The following PPP4R3B variants were observed in gnomAD, a reference collection of about 807,000 sequenced individuals.
PPP4R3B encodes protein phosphatase 4 regulatory subunit 3B.
A neutral mutation model predicts 95.4 loss-of-function variants in PPP4R3B; 52 were observed. That is an observed-to-expected ratio of 0.54 (90% confidence interval 0.44 to 0.69). The LOEUF is 0.69. Among genes scored for constraint, PPP4R3B ranks in the 30% least tolerant of loss-of-function variants. The probability of loss-of-function intolerance (pLI) is 0.00; values close to 1 mark genes in which losing one functional copy is unlikely to be tolerated. For missense variants in PPP4R3B, 1,003 were observed against 1,005.9 expected (o/e 1.00, Z 0.04); for synonymous variants, 407 against 343.9 (o/e 1.18, Z -2.03).
At chr2:55,600,153 G>A (rs1018662572) in intron 3 of PPP4R3B, among the ~76,000 whole-genome samples, 1 of 152,110 alleles carries the variant, frequency 6.6e-6, no homozygotes, top group African/African-American at 2.4e-5. Flanking sequence ...ATTATAAGGG[G>A]TGGCGGCTCA....
At chr2:55,559,958 T>C (rs529724906) in intron 15 of PPP4R3B, among the ~76,000 whole-genome samples, 2 of 151,988 alleles carry the variant, frequency 1.3e-5, no homozygotes, top group Non-Finnish European at 2.9e-5. Flanking sequence ...CTATTCTCTA[T>C]TAAAAATACA....
rs1695109048 is a variant in PPP4R3B at position 55,617,351 on chromosome 2, T to G, written c.-66A>C. The G allele has an allele frequency of 3.4e-6, 5 of 1,463,562 alleles. No homozygotes were observed. The African/African-American group carries it at 7.1e-5, about 21-fold the overall frequency. 90.7% of individuals were successfully genotyped at this position (1,463,562 alleles called of 1,614,324 possible). On this transcript the variant is annotated 5_prime_UTR_variant, in exon 1 of 17. It removes the in-frame stop codon of an upstream open reading frame in the 5' UTR. Coordinates refer to ENST00000616407, the MANE Select transcript of PPP4R3B (RefSeq NM_001122964.3). ...CTTACCTCGTCCGCGCTCCTCACTC[T>G]TAGGAGACGGTAAAGGCAGTAGTGG... is the stretch of plus-strand genomic sequence containing the variant.
intron 4 of PPP4R3B, among the ~76,000 whole-genome samples, chr2:55,591,020 A>T (rs1048058711): frequency 6.6e-6 from 1 of 152,196 alleles, no homozygotes; most frequent in Non-Finnish European, 1.5e-5. Context: ...AGTCTGACTC[A>T]GGTGTTTCTT....
intron 10 of PPP4R3B, 135 bp downstream of exon 10, chr2:55,578,111 TA>T (rs1688936698): frequency 3.3e-6 from 3 of 902,568 alleles, no homozygotes; most frequent in Non-Finnish European, 4.4e-6. Flanking sequence ...TAACACTGGA[TA>T]AAAAATATGC....
At chr2:55,577,006 T>C (rs929214813) in intron 11 of PPP4R3B, among the ~76,000 whole-genome samples, 1 of 152,200 alleles carries the variant, frequency 6.6e-6, no homozygotes, top group Non-Finnish European at 1.5e-5. Flanking sequence ...TCATGAAAAT[T>C]AGTTGCAAAG....
intron 15 of PPP4R3B, among the ~76,000 whole-genome samples, chr2:55,559,428 T>C (rs535216018): frequency 1.3e-5 from 2 of 152,114 alleles, no homozygotes; most frequent in Non-Finnish European, 2.9e-5. Context: ...AAGAACATGA[T>C]GTGTACAGTG....
chr2:55,550,549 A>G (rs1685135805), intron 16 of PPP4R3B, among the ~76,000 whole-genome samples: 1 of 152,230 alleles, frequency 6.6e-6, no homozygotes, highest in Non-Finnish European at 1.5e-5. Flanking sequence ...CAAAAGAACA[A>G]TAAGGATGAG....
At chr2:55,570,500 AC>A (rs1440362751) in intron 12 of PPP4R3B, among the ~76,000 whole-genome samples, 3 of 152,178 alleles carry the variant, frequency 2.0e-5, no homozygotes, top group Non-Finnish European at 4.4e-5. Flanking sequence ...TAGCAATATT[AC>A]TGCTAAAAAT....
At chr2:55,589,117 T>C (rs905447435) in intron 4 of PPP4R3B, among the ~76,000 whole-genome samples, 161 bp from the exon 5 acceptor site, 6 of 152,238 alleles carry the variant, frequency 3.9e-5, no homozygotes, top group African/African-American at 1.4e-4. Context: ...TTCTAAAATT[T>C]GACTACACCA....
chr2:55,573,883 C>A, intron 11 of PPP4R3B, 106 bp from the exon 12 acceptor site: 1 of 576,680 alleles, frequency 1.7e-6, no homozygotes, highest in African/African-American at 2.1e-5. Flanking sequence ...ACTGTATTTC[C>A]TCCTTTTTTT....
chr2:55,577,600 A>G (rs1688862119), intron 10 of PPP4R3B, among the ~76,000 whole-genome samples: 1 of 152,194 alleles, frequency 6.6e-6, no homozygotes, highest in Admixed American at 6.5e-5. Flanking sequence ...AAGTAAGATT[A>G]CAACCAGAGA....
rs200351314 is a variant in PPP4R3B at position 55,565,033 on chromosome 2, G to C, written c.1944C>G (p.Ile648Met). 1.1e-3 allele frequency: 1,661 copies of C among 1,579,214 alleles called. 2 individuals carry two copies. The highest frequency in any genetic ancestry group is 1.3e-3 in the Non-Finnish European group (1,560 of 1,165,018). Residue 648 changes from isoleucine (I) to methionine (M), a missense_variant, in exon 14 of 17, where the codon ATC becomes ATG. By Grantham distance (10) the Ile-to-Met change is conservative. Around this residue, in one of 3 missense-constraint regions of PPP4R3B, gnomAD observed 79 missense variants for 124.9 expected, o/e 0.63. Transcript: ENST00000616407. ...ELFEFIRVED[I>M]KSLTAHIVEN... ...CAACTATATGGGCAGTAAGAGACTT[G>C]ATATCTTCCTGTATAAGCACAAAAT...
chr2:55,581,489 T>C (rs1350647491), intron 8 of PPP4R3B, 78 bp downstream of exon 8: 4 of 1,430,486 alleles, frequency 2.8e-6, no homozygotes, highest in Non-Finnish European at 3.8e-6. Context: ...CTTAAAATAC[T>C]TGTTTCTCAA....
chr2:55,572,164 A>G (rs901805644), intron 12 of PPP4R3B, among the ~76,000 whole-genome samples: 5 of 152,194 alleles, frequency 3.3e-5, no homozygotes, highest in African/African-American at 1.2e-4. Flanking sequence ...ACATAAATGT[A>G]AAAAAGGAAA....
intron 7 of PPP4R3B, among the ~76,000 whole-genome samples, chr2:55,582,717 G>A (rs537395570): frequency 2.6e-5 from 4 of 152,244 alleles, no homozygotes; most frequent in South Asian, 2.1e-4. Flanking sequence ...TTCAGTAAAC[G>A]AGAGGAGAGC....
At chr2:55,616,837 A>G (rs1695014167) in intron 1 of PPP4R3B, among the ~76,000 whole-genome samples, 1 of 152,092 alleles carries the variant, frequency 6.6e-6, no homozygotes, top group Admixed American at 6.6e-5. Context: ...TCCTAGGGCG[A>G]CATCAGTACC....
intron 4 of PPP4R3B, among the ~76,000 whole-genome samples, chr2:55,597,394 G>A (rs577566907): frequency 2.6e-5 from 4 of 151,982 alleles, no homozygotes; most frequent in Admixed American, 2.6e-4. Context: ...AGGCTGAGGT[G>A]GGTGGATCAC....
intron 11 of PPP4R3B, among the ~76,000 whole-genome samples, chr2:55,576,769 C>T (rs553507913): frequency 6.6e-5 from 10 of 152,248 alleles, no homozygotes; most frequent in South Asian, 2.1e-4. Flanking sequence ...ATCTTTATAA[C>T]GGGGACAAGA....
At chr2:55,595,235 G>C (rs1011480823) in intron 4 of PPP4R3B, among the ~76,000 whole-genome samples, 2 of 151,824 alleles carry the variant, frequency 1.3e-5, no homozygotes, top group Admixed American at 1.3e-4. Flanking sequence ...TGTTGGTCAG[G>C]CTGGTCTCAA....
Sources: gnomAD v4.1 joint callset for allele counts (sites outside exome capture counted in the v4.1 genomes callset) on GRCh38, gnomAD v4.1.1 for gene constraint, gnomAD v4.1.1 regional missense constraint, MANE v1.5 for transcripts, NCBI Gene and HGNC (gene_info 2026-07-23, HGNC 2026-07-21) for gene names.